Variants in ERBB4 observed in about 807,000 individuals in gnomAD.
ERBB4 encodes the protein erb-b2 receptor tyrosine kinase 4.
Under a neutral mutation model 158.0 loss-of-function variants are expected in ERBB4, and 42 were observed. The ratio of observed to expected loss-of-function variants is 0.27; its 90% CI spans 0.21 to 0.34. The LOEUF (loss-of-function observed/expected upper bound fraction) is 0.34. ERBB4 is among the 10% of genes least tolerant of loss of function. The probability of loss-of-function intolerance (pLI) is 1.00; values close to 1 mark genes in which losing one functional copy is unlikely to be tolerated. For synonymous variants in ERBB4, 583 were observed against 558.7 expected (o/e 1.04, Z -0.61); for missense variants, 1,333 against 1,624.1 (o/e 0.82, Z 3.08).
chr2:212,095,410 C>T (rs944811476), intron 2 of ERBB4, among the ~76,000 whole-genome samples: 2 of 152,094 alleles, frequency 1.3e-5, no homozygotes, highest in Admixed American at 6.5e-5. Context: ...GAAAGTTCTA[C>T]GATTCTAATA....
intron 25 of ERBB4, among the ~76,000 whole-genome samples, chr2:211,414,486 GAC>G (rs1474658752): frequency 9.4e-6 from 1 of 106,524 alleles, no homozygotes; most frequent in East Asian, 2.9e-4. Flanking sequence ...ACAGAGCCAA[GAC>G]ACAGTCTCAA....
intron 1 of ERBB4, among the ~76,000 whole-genome samples, chr2:212,269,024 GA>G (rs942469531): frequency 2.0e-5 from 3 of 151,260 alleles, no homozygotes; most frequent in Non-Finnish European, 4.4e-5. Flanking sequence ...CAGGCAAAAA[GA>G]AAAAAAATGT....
intron 4 of ERBB4, among the ~76,000 whole-genome samples, chr2:211,762,305 GCAGA>G (rs2075435274): frequency 6.6e-6 from 1 of 152,304 alleles, no homozygotes; most frequent in Non-Finnish European, 1.5e-5. Context: ...CGCAGGCATA[GCAGA>G]CAAAGACAAG....
At chr2:212,224,709 G>T (rs1373190507) in intron 1 of ERBB4, among the ~76,000 whole-genome samples, 1 of 151,764 alleles carries the variant, frequency 6.6e-6, no homozygotes, top group Non-Finnish European at 1.5e-5. Context: ...AGCTTAAAAA[G>T]GCATATAACA....
chr2:212,104,977 A>G (rs987090258), intron 2 of ERBB4, among the ~76,000 whole-genome samples: 3 of 152,188 alleles, frequency 2.0e-5, no homozygotes, highest in African/African-American at 7.2e-5. Flanking sequence ...CCAAGGTCAA[A>G]TAAGTAGAAT....
intron 1 of ERBB4, among the ~76,000 whole-genome samples, chr2:212,192,124 ATG>A (rs1553589416): frequency 4.4e-5 from 5 of 114,180 alleles, no homozygotes; most frequent in African/African-American, 1.6e-4. Flanking sequence ...TATATATATT[ATG>A]TGTTATGTTA....
At chr2:211,724,604 C>G (rs971996413) in intron 6 of ERBB4, among the ~76,000 whole-genome samples, 1 of 151,942 alleles carries the variant, frequency 6.6e-6, no homozygotes, top group Non-Finnish European at 1.5e-5. Context: ...CTGTCCCTAA[C>G]AAACTATTTA....
chr2:212,173,566 G>A (rs561062232), intron 1 of ERBB4, among the ~76,000 whole-genome samples: 12 of 152,238 alleles, frequency 7.9e-5, no homozygotes, highest in East Asian at 5.8e-4. Context: ...GGTATATAAC[G>A]ATATCTACTG....
At chr2:212,141,113 T>G (rs1476159809) in intron 1 of ERBB4, among the ~76,000 whole-genome samples, 2 of 151,902 alleles carry the variant, frequency 1.3e-5, no homozygotes, top group Non-Finnish European at 2.9e-5. Context: ...TCAATAGTAG[T>G]ATATTTCCGT....
intron 2 of ERBB4, among the ~76,000 whole-genome samples, chr2:211,965,141 T>C (rs1027703928): frequency 6.6e-5 from 10 of 152,114 alleles, no homozygotes; most frequent in African/African-American, 2.4e-4. Flanking sequence ...GACAGCGTCG[T>C]ATCATGAAAA....
At chr2:212,222,416 T>G (rs916486961) in intron 1 of ERBB4, among the ~76,000 whole-genome samples, 3 of 151,558 alleles carry the variant, frequency 2.0e-5, no homozygotes, top group Non-Finnish European at 1.5e-5. Flanking sequence ...TAGAAAAAAT[T>G]AAGAGAAATC....
chr2:211,932,754 G>A lies in ERBB4; in HGVS notation c.421+14676C>T, dbSNP rs1227382276. 2.0e-5 allele frequency among the ~76,000 whole-genome samples: 3 copies of A among 151,802 alleles called. No individual in the cohort carries two copies. In the East Asian group the frequency reaches 5.8e-4, roughly 29 times the overall value. ...TTCAAAGATGTCTTTGGCATTGAAT[G>A]TTTCTTACTAAGTCATATTTTAATG... On this transcript the variant is annotated intron_variant, in intron 3 of 27. Transcript: ENST00000342788.
intron 3 of ERBB4, among the ~76,000 whole-genome samples, chr2:211,885,287 T>A (rs929827532): frequency 2.6e-5 from 4 of 152,112 alleles, no homozygotes; most frequent in Non-Finnish European, 5.9e-5. Flanking sequence ...TTTCTTCTCC[T>A]AGGCCTGAAA....
At chr2:212,268,833 T>C (rs1161729635) in intron 1 of ERBB4, among the ~76,000 whole-genome samples, 1 of 151,808 alleles carries the variant, frequency 6.6e-6, no homozygotes, top group East Asian at 1.9e-4. Flanking sequence ...TGAGCTGAAA[T>C]TTTTTCTGTA....
intron 20 of ERBB4, among the ~76,000 whole-genome samples, chr2:211,561,033 T>A (rs1250262932): frequency 6.6e-6 from 1 of 152,180 alleles, no homozygotes; most frequent in African/African-American, 2.4e-5. Flanking sequence ...AGAGTTGACA[T>A]AATTAAAACT....
intron 12 of ERBB4, among the ~76,000 whole-genome samples, chr2:211,697,802 TG>T (rs1204577541): frequency 6.6e-6 from 1 of 152,218 alleles, no homozygotes; most frequent in Non-Finnish European, 1.5e-5. Flanking sequence ...TTAGTATTTT[TG>T]GAAGATGACG....
At chr2:212,396,975 A>G (rs1318423411) in intron 1 of ERBB4, among the ~76,000 whole-genome samples, 4 of 152,188 alleles carry the variant, frequency 2.6e-5, no homozygotes, top group Non-Finnish European at 5.9e-5. Context: ...AGAACAATAA[A>G]TGTATATTAT....
chr2:212,259,058 TCTTC>T (rs984961798), intron 1 of ERBB4, among the ~76,000 whole-genome samples: 1 of 152,184 alleles, frequency 6.6e-6, no homozygotes, highest in Non-Finnish European at 1.5e-5. Context: ...GGTATAAAAT[TCTTC>T]CAACTTTTAA....
chr2:212,312,624 AATT>A (rs1181618480), intron 1 of ERBB4, among the ~76,000 whole-genome samples: 1 of 150,996 alleles, frequency 6.6e-6, no homozygotes, highest in African/African-American at 2.4e-5. Context: ...GTTCTGTAAA[AATT>A]AATATAGAAT....
Sources: gnomAD v4.1 joint callset for allele counts (sites outside exome capture counted in the v4.1 genomes callset) on GRCh38, gnomAD v4.1.1 for gene constraint, MANE v1.5 for transcripts, NCBI Gene and HGNC (gene_info 2026-07-23, HGNC 2026-07-21) for gene names.